Variants in HIVEP3 observed in about 807,000 individuals in gnomAD.
HIVEP3 encodes transcription factor HIVEP3.
In HIVEP3, 49 loss-of-function variants were observed where a neutral mutation model predicts 152.8. The ratio of observed to expected loss-of-function variants is 0.32; its 90% CI spans 0.26 to 0.41. The LOEUF (loss-of-function observed/expected upper bound fraction) is 0.41, where lower values mean the gene tolerates loss of function less well. HIVEP3 is among the 10% of genes least tolerant of loss of function. The probability of loss-of-function intolerance (pLI) is 1.00; values close to 1 mark genes in which losing one functional copy is unlikely to be tolerated. For missense variants in HIVEP3, 2,790 were observed against 3,103.3 expected, an observed-to-expected ratio of 0.90 and a Z score of 2.40; for synonymous variants, 1,269 against 1,289.0, an observed-to-expected ratio of 0.98 and a Z score of 0.33.
chr1:41,898,591 G>A (rs1000949325), intron 1 of HIVEP3, among the ~76,000 whole-genome samples: 21 of 152,308 alleles, frequency 1.4e-4, no homozygotes, highest in South Asian at 8.3e-4. Context: ...ACATGCACAC[G>A]TGCGTGCACA....
At chr1:41,793,018 C>T (rs974849419) in intron 1 of HIVEP3, among the ~76,000 whole-genome samples, 2 of 152,154 alleles carry the variant, frequency 1.3e-5, no homozygotes, top group Non-Finnish European at 1.5e-5. Context: ...TATGGAAGAA[C>T]GATTGGGCCA....
In HIVEP3 at chr1:41,580,687, C is replaced by T; in HGVS notation, c.4111G>A (p.Ala1371Thr). ...PPSKGTTVCG[A>T]DVHEVGPGPS... ...CCGGGCCCAACCTCATGCACATCTG[C>T]ACCACATACAGTCGTCCCCTTTGAT... The change falls in exon 4 of 9, where the codon GCA becomes ACA. Residue 1371 changes from alanine (A) to threonine (T), a missense_variant. Ala to Thr is a moderately conservative substitution (Grantham distance 58). Coordinates refer to ENST00000372583, the MANE Select transcript of HIVEP3 (RefSeq NM_024503.5). 1.2e-6 allele frequency: 2 copies of T among 1,610,488 alleles called. No homozygotes were observed. The highest frequency in any genetic ancestry group is 1.7e-6 in the Non-Finnish European group (2 of 1,178,162).
At chr1:41,982,179 C>G (rs549010265) in intron 1 of HIVEP3, among the ~76,000 whole-genome samples, 1 of 152,194 alleles carries the variant, frequency 6.6e-6, no homozygotes. Flanking sequence ...GAAAGCGAAG[C>G]CTTATCCATC....
At chr1:41,566,108 G>A (rs977343000) in intron 5 of HIVEP3, among the ~76,000 whole-genome samples, 6 of 152,128 alleles carry the variant, frequency 3.9e-5, no homozygotes, top group Non-Finnish European at 5.9e-5. Flanking sequence ...ACCAACACAG[G>A]AGATTTTTCT....
intron 2 of HIVEP3, among the ~76,000 whole-genome samples, chr1:41,659,549 T>C (rs1359343813): frequency 2.0e-5 from 3 of 152,226 alleles, no homozygotes; most frequent in Non-Finnish European, 2.9e-5. Context: ...GCCTGGGTCA[T>C]GGCCATCCTA....
At position 41,749,404 on chromosome 1, in the gene HIVEP3, T is replaced by TTG. The variant is rs3064239; in HGVS notation, c.-800-48411_-800-48410dup. Among the ~76,000 whole-genome samples the TTG allele has an allele frequency of 8.9e-3, 1,251 of 140,768 alleles. 25 individuals are homozygous for TTG. Among genetic ancestry groups the TTG allele is most frequent in the African/African-American group, 0.03 (1,155 of 38,460 alleles). The allele number at this position is 140,768 out of a possible 152,430, so 92.3% of individuals were successfully genotyped here. On this transcript the variant is annotated intron_variant, in intron 1 of 8. Coordinates refer to ENST00000372583, the MANE Select transcript of HIVEP3 (RefSeq NM_024503.5). ...GGACTCTCTGAAACCTTAGAAAAAA[T>TTG]TGTGTGTGTGTGTGTGTGTGTGTGT...
intron 1 of HIVEP3, among the ~76,000 whole-genome samples, chr1:41,817,398 G>A (rs369277156): frequency 1.3e-5 from 2 of 152,166 alleles, no homozygotes; most frequent in South Asian, 2.1e-4. Flanking sequence ...GGATGGGGCC[G>A]GATGGGGCAG....
intron 1 of HIVEP3, among the ~76,000 whole-genome samples, chr1:42,020,356 C>A (rs139641742): frequency 6.6e-6 from 1 of 151,938 alleles, no homozygotes; most frequent in Non-Finnish European, 1.5e-5. Context: ...CTGTTTGATG[C>A]GAAGGTCTTT....
intron 1 of HIVEP3, among the ~76,000 whole-genome samples, chr1:41,983,142 G>C (rs1645303124): frequency 6.6e-6 from 1 of 152,222 alleles, no homozygotes; most frequent in Non-Finnish European, 1.5e-5. Context: ...AGGAGGTAAT[G>C]CTCGCCCACC....
chr1:41,843,803 T>C (rs1452398392), intron 1 of HIVEP3, among the ~76,000 whole-genome samples: 6 of 152,172 alleles, frequency 3.9e-5, no homozygotes, highest in Admixed American at 3.9e-4. Context: ...ATGTGCACAA[T>C]GTGCAGGTTA....
At chr1:42,034,492 G>T (rs1025253919) in intron 1 of HIVEP3, among the ~76,000 whole-genome samples, 1 of 152,128 alleles carries the variant, frequency 6.6e-6, no homozygotes, top group Non-Finnish European at 1.5e-5. Flanking sequence ...ACACTACAAC[G>T]GCGCCTGATT....
intron 1 of HIVEP3, among the ~76,000 whole-genome samples, chr1:41,992,340 C>G (rs1645367259): frequency 6.7e-6 from 1 of 149,666 alleles, no homozygotes; most frequent in Non-Finnish European, 1.5e-5. Flanking sequence ...CACAAGCATT[C>G]TTATACACCA....
rs998908685 is a variant in HIVEP3, at chr1:41,580,964, G to T, written c.3834C>A (p.Ser1278Arg). ...LATGSAGLSP[S>R]TEYSSDIRLP... The stretch of plus-strand genomic sequence containing the variant: ...GCCGGATGTCACTGCTGTACTCTGT[G>T]CTGGGGGAGAGGCCAGCACTTCCTG... Residue 1278 changes from serine (S) to arginine (R), a missense_variant, in exon 4 of 9, where the codon AGC becomes AGA. By Grantham distance (110) the Ser-to-Arg change is moderately radical (BLOSUM62 -1). Around this residue, in one of 9 missense-constraint regions of HIVEP3, gnomAD observed 1,078 missense variants for 1,165.3 expected, o/e 0.93. Coordinates refer to ENST00000372583, the MANE Select transcript of HIVEP3 (RefSeq NM_024503.5). The T allele has an allele frequency of 6.9e-6, 11 of 1,603,914 alleles. No individual in the cohort carries two copies. The highest frequency in any genetic ancestry group is 1.3e-5 in the African/African-American group (1 of 74,718).
chr1:41,831,529 G>A lies in HIVEP3; in HGVS notation c.-801+86884C>T, dbSNP rs535381031. Among the ~76,000 whole-genome samples, 110 of 152,052 alleles carry A rather than the reference G, an allele frequency of 7.2e-4. 1 individual carries two copies. Among genetic ancestry groups the A allele is most frequent in the African/African-American group, 2.6e-3 (106 of 41,528 alleles). ...CATTTCACAATATCCAATGAGTATCGGCTTTCAGATGCCAATTTCATTATT... is the reference window on the plus strand; with the variant it reads ...CATTTCACAATATCCAATGAGTATCAGCTTTCAGATGCCAATTTCATTATT... On this transcript the variant is annotated intron_variant, in intron 1 of 8. Transcript: ENST00000372583.
At chr1:41,990,413 C>T (rs1645352892) in intron 1 of HIVEP3, among the ~76,000 whole-genome samples, 3 of 151,458 alleles carry the variant, frequency 2.0e-5, no homozygotes, top group Admixed American at 6.6e-5. Flanking sequence ...AAGGCCATTA[C>T]ATAATGGTAA....
intron 6 of HIVEP3, among the ~76,000 whole-genome samples, chr1:41,519,180 C>T (rs1412770949): frequency 6.6e-6 from 1 of 152,224 alleles, no homozygotes; most frequent in East Asian, 1.9e-4. Flanking sequence ...CCAGGCCAAT[C>T]TACAGTGCAG....
intron 1 of HIVEP3, among the ~76,000 whole-genome samples, chr1:41,961,771 C>A (rs570381820): frequency 1.3e-5 from 2 of 152,372 alleles, no homozygotes; most frequent in South Asian, 2.1e-4. Flanking sequence ...TAGGATACTT[C>A]TTAACTTGTA....
At chr1:41,552,541 A>C (rs1429901923) in intron 5 of HIVEP3, among the ~76,000 whole-genome samples, 1 of 147,364 alleles carries the variant, frequency 6.8e-6, no homozygotes, top group Non-Finnish European at 1.5e-5. Flanking sequence ...TACAAAGGAC[A>C]TGAACTCATC....
chr1:41,715,103 C>A (rs1409546128), intron 1 of HIVEP3, among the ~76,000 whole-genome samples: 1 of 152,210 alleles, frequency 6.6e-6, no homozygotes, highest in Middle Eastern at 3.2e-3. Context: ...CAGCCCCCCA[C>A]TGCCTGGGCT....
Sources: allele counts gnomAD v4.1 joint callset (sites outside exome capture counted in the v4.1 genomes callset), GRCh38; gene constraint gnomAD v4.1.1; regional missense constraint gnomAD v4.1.1; transcripts MANE v1.5; gene names NCBI Gene and HGNC (gene_info 2026-07-23, HGNC 2026-07-21).